DNAH14: variants seen among roughly 807,000 people sequenced by gnomAD.
DNAH14 encodes axonemal beta dynein heavy chain 14.
Under a neutral mutation model 520.9 loss-of-function variants are expected in DNAH14, and 478 were observed. The ratio of observed to expected loss-of-function variants is 0.92; its 90% CI spans 0.85 to 0.99. The LOEUF (loss-of-function observed/expected upper bound fraction) is 0.99, where lower values mean the gene tolerates loss of function less well. Ranked by LOEUF, DNAH14 falls within the 50% of genes least tolerant of loss-of-function variation. The pLI is 0.00. For missense variants in DNAH14, 4,831 were observed against 5,234.5 expected (o/e 0.92, Z 2.38); for synonymous variants, 1,581 against 1,757.2 (o/e 0.90, Z 2.51).
chr1:224,962,593 C>A (rs1458742719), intron 4 of DNAH14, among the ~76,000 whole-genome samples: 3 of 152,092 alleles, frequency 2.0e-5, no homozygotes, highest in Non-Finnish European at 4.4e-5. Flanking sequence ...ACTAGCCCAG[C>A]CTCTAGATAA....
At chr1:225,298,892 C>G (rs140086689) in intron 55 of DNAH14, among the ~76,000 whole-genome samples, 306 of 152,348 alleles carry the variant, frequency 2.0e-3, no homozygotes, top group Middle Eastern at 3.4e-3. Flanking sequence ...CTTACCTTTT[C>G]TCCACAAGGA....
Position 225,040,147 on chromosome 1 carries a change from G to A in DNAH14, c.1488+1324G>A, listed in dbSNP as rs558463684. 2.6e-4 allele frequency among the ~76,000 whole-genome samples: 40 copies of A among 151,930 alleles called. No homozygotes were observed. The South Asian group carries it at 8.3e-3, about 32-fold the overall frequency. ...GTAGAGACGGGGTTTCACCGTGTTA[G>A]CCAGGATGGTCTTGATCTCCTGACC... is the stretch of plus-strand genomic sequence containing the variant. On this transcript the variant is annotated intron_variant, in intron 12 of 85. Transcript: ENST00000682510.
At chr1:225,129,271 C>T (rs1293097728) in intron 27 of DNAH14, among the ~76,000 whole-genome samples, 1 of 152,014 alleles carries the variant, frequency 6.6e-6, no homozygotes, top group Admixed American at 6.6e-5. Context: ...CAATGCCATC[C>T]CCATCAAGCT....
Position 225,079,315 on chromosome 1 carries a change from G to A in DNAH14, c.2533G>A (p.Glu845Lys), listed in dbSNP as rs2072818165. Residue 845 changes from glutamate to lysine, a missense_variant, in exon 18 of 86, where the codon GAA becomes AAA. Physicochemically the swap from Glu to Lys is moderately conservative, Grantham distance 56. Transcript: ENST00000682510. ...NAISSKISKLEKEFLTMSQLY... is the reference protein window; with the variant it reads ...NAISSKISKLKKEFLTMSQLY... ...AATTTCCTCAAAAATATCTAAATTA[G>A]AAAAAGAGTTCTTAACAATGTCTCA... 11 of 1,549,320 alleles carry A rather than the reference G, an allele frequency of 7.1e-6. No homozygotes were observed. Among genetic ancestry groups the A allele is most frequent in the Non-Finnish European group, 8.7e-6 (10 of 1,146,434 alleles).
intron 65 of DNAH14, 41 bp from the exon 66 acceptor site, chr1:225,333,250 A>G (rs1020600414): frequency 2.1e-6 from 3 of 1,408,742 alleles, no homozygotes; most frequent in Admixed American, 2.4e-5. Flanking sequence ...TCATGATAAT[A>G]TATTTTATAT....
chr1:225,335,149 A>ACATGTGTGCATGTGTGCATGTGTG (rs371353636), intron 66 of DNAH14, among the ~76,000 whole-genome samples: 5 of 142,892 alleles, frequency 3.5e-5, no homozygotes, highest in African/African-American at 1.3e-4. Flanking sequence ...GCACATGTGT[A>ACATGTGTGCATGTGTGCATGTGTG]CATGTGTGCA....
At chr1:225,225,821 G>A (rs927058298) in intron 41 of DNAH14, among the ~76,000 whole-genome samples, 27 of 152,174 alleles carry the variant, frequency 1.8e-4, no homozygotes, top group Non-Finnish European at 3.8e-4. Flanking sequence ...GTCCTCTTTG[G>A]ATTCCAGCAC....
Position 224,955,002 on chromosome 1 carries a change from T to C in DNAH14, c.121T>C (p.Leu41=). The C allele has an allele frequency of 6.2e-7, 1 of 1,608,656 alleles. No individual in the cohort carries two copies. The highest frequency in any genetic ancestry group is 2.2e-5 in the East Asian group (1 of 44,654). ...GAAAAAATATGAAGATGTGAAACCA[T>C]TAGAGACTCAACCAGCTGAAATAGC... The part of the protein sequence containing the change: ...EEKKYEDVKP[L]ETQPAEIAEK... Residue 41 remains leucine (L), a synonymous_variant, in exon 3 of 86, where the codon TTA becomes CTA. Transcript: ENST00000682510.
At chr1:225,394,654 C>A (rs1158564045) in intron 84 of DNAH14, among the ~76,000 whole-genome samples, 1 of 152,078 alleles carries the variant, frequency 6.6e-6, no homozygotes, top group African/African-American at 2.4e-5. Flanking sequence ...ACTAGCCTGG[C>A]CAACATGGCA....
chr1:224,987,242 T>C (rs1046023339), intron 8 of DNAH14, among the ~76,000 whole-genome samples: 10 of 152,012 alleles, frequency 6.6e-5, no homozygotes, highest in African/African-American at 2.4e-4. Context: ...TCCAAAGGCC[T>C]AAAAACCAAG....
chr1:225,189,358 A>G (rs2085123454), intron 37 of DNAH14, among the ~76,000 whole-genome samples: 1 of 150,606 alleles, frequency 6.6e-6, no homozygotes, highest in Middle Eastern at 3.2e-3. Context: ...ATGCTATCAG[A>G]GTAATGCTGA....
chr1:225,177,512 A>G (rs572388051), intron 36 of DNAH14, among the ~76,000 whole-genome samples: 20 of 152,214 alleles, frequency 1.3e-4, no homozygotes, highest in Admixed American at 2.6e-4. Flanking sequence ...GGTCTTCATC[A>G]CAGCCGTTCC....
chr1:225,118,157 T>C (rs1573238583), intron 25 of DNAH14, 158 bp downstream of exon 25: 1 of 697,140 alleles, frequency 1.4e-6, no homozygotes, highest in South Asian at 1.6e-5. Context: ...CCATATTCCC[T>C]ACAATACATA....
Position 225,351,178 on chromosome 1 carries a change from G to A in DNAH14, c.11297-469G>A, listed in dbSNP as rs1338649633. On this transcript the variant is annotated intron_variant, in intron 71 of 85. Transcript: ENST00000682510. ...CAACACTTTGGGAGGTCAAGATTGG[G>A]GGCAGATCACTTTAGGCCAGGAGTT... Among the ~76,000 whole-genome samples, 3 of 152,216 alleles carry A rather than the reference G, an allele frequency of 2.0e-5. No homozygotes were observed. The East Asian group carries it at 5.8e-4, about 29-fold the overall frequency.
chr1:224,988,329 C>A (rs2062797611), intron 8 of DNAH14, among the ~76,000 whole-genome samples: 1 of 152,142 alleles, frequency 6.6e-6, no homozygotes, highest in Non-Finnish European at 1.5e-5. Flanking sequence ...GATTCCATGT[C>A]TTTGCTATTG....
chr1:224,950,597 T>C (rs1449488380), intron 1 of DNAH14, among the ~76,000 whole-genome samples: 1 of 152,234 alleles, frequency 6.6e-6, no homozygotes, highest in Non-Finnish European at 1.5e-5. Flanking sequence ...TAGATGTTTG[T>C]TGGTAATGAT....
chr1:225,243,600 A>G (rs574086638), intron 43 of DNAH14, among the ~76,000 whole-genome samples: 1 of 152,216 alleles, frequency 6.6e-6, no homozygotes, highest in African/African-American at 2.4e-5. Context: ...TAAATGATGA[A>G]TTACGGAACA....
intron 8 of DNAH14, among the ~76,000 whole-genome samples, chr1:224,998,174 C>T (rs1342111295): frequency 6.6e-6 from 1 of 152,038 alleles, no homozygotes; most frequent in African/African-American, 2.4e-5. Context: ...TGTGTCTTTT[C>T]ACTTTTTTTC....
intron 53 of DNAH14, 53 bp from the exon 54 acceptor site, chr1:225,277,357 G>C (rs1386738797): frequency 2.3e-6 from 1 of 433,954 alleles, no homozygotes; most frequent in Non-Finnish European, 4.9e-6. Context: ...CACAATGCAC[G>C]TTTGATTTTT....
Sources: gnomAD v4.1 joint callset for allele counts (sites outside exome capture counted in the v4.1 genomes callset) on GRCh38, gnomAD v4.1.1 for gene constraint, MANE v1.5 for transcripts, NCBI Gene and HGNC (gene_info 2026-07-23, HGNC 2026-07-21) for gene names.